NLGN1: variants seen among roughly 807,000 people sequenced by gnomAD.
NLGN1 encodes neuroligin 1, also known as neuroligin-1.
A neutral mutation model predicts 65.5 loss-of-function variants in NLGN1; 12 were observed. That is an observed-to-expected ratio of 0.18 (90% CI 0.12 to 0.30). NLGN1 has a LOEUF of 0.30. Among genes scored for constraint, NLGN1 ranks in the 10% least tolerant of loss-of-function variants. The pLI, the probability that NLGN1 is intolerant of heterozygous loss-of-function variation, is 1.00. For missense variants in NLGN1, 750 were observed against 1,007.1 expected (o/e 0.74, Z 3.46); for synonymous variants, 350 against 359.5 (o/e 0.97, Z 0.30).
At chr3:174,205,304 T>G (rs1048203939) in intron 4 of NLGN1, among the ~76,000 whole-genome samples, 10 of 152,090 alleles carry the variant, frequency 6.6e-5, no homozygotes, top group Non-Finnish European at 8.8e-5. Flanking sequence ...TAAAGTTAAA[T>G]ATTATAACAT....
At chr3:173,524,596 C>T (rs2149152729) in intron 2 of NLGN1, among the ~76,000 whole-genome samples, 1 of 152,242 alleles carries the variant, frequency 6.6e-6, no homozygotes, top group East Asian at 1.9e-4. Context: ...ACTCCTTGTA[C>T]TGTGTTGAAT....
At chr3:174,172,156 AGTCATAT>A (rs1283183889) in intron 4 of NLGN1, among the ~76,000 whole-genome samples, 3 of 151,978 alleles carry the variant, frequency 2.0e-5, no homozygotes, top group African/African-American at 7.2e-5. Flanking sequence ...ATATGATCAT[AGTCATAT>A]GTCATATGTC....
chr3:174,112,889 G>A (rs1034037911), intron 4 of NLGN1, among the ~76,000 whole-genome samples: 18 of 151,854 alleles, frequency 1.2e-4, no homozygotes, highest in African/African-American at 3.9e-4. Context: ...ATGAGTATGT[G>A]CTTGGCCTTT....
At chr3:173,610,699 G>A (rs1420355909) in intron 3 of NLGN1, among the ~76,000 whole-genome samples, 1 of 151,936 alleles carries the variant, frequency 6.6e-6, no homozygotes, top group Non-Finnish European at 1.5e-5. Flanking sequence ...TAAGGAAAAT[G>A]TCTCCAAGTG....
At chr3:173,412,511 T>C (rs1329268445) in intron 1 of NLGN1, among the ~76,000 whole-genome samples, 1 of 152,064 alleles carries the variant, frequency 6.6e-6, no homozygotes, top group Admixed American at 6.6e-5. Context: ...CTGACCTTTT[T>C]TTTTTAATGA....
chr3:173,628,208 A>C (rs7648490), intron 3 of NLGN1, among the ~76,000 whole-genome samples: 7,085 of 152,106 alleles, frequency 0.047, 366 homozygotes, highest in African/African-American at 0.11. Flanking sequence ...TGTTCTTCTT[A>C]CTGGAGACTG....
chr3:174,217,993 T>C (rs1408416306), intron 4 of NLGN1, among the ~76,000 whole-genome samples: 1 of 152,090 alleles, frequency 6.6e-6, no homozygotes, highest in African/African-American at 2.4e-5. Context: ...CAATTTAAAG[T>C]AAATTAAGTC....
At chr3:173,403,185 T>G (rs1718022315) in intron 1 of NLGN1, among the ~76,000 whole-genome samples, 1 of 152,166 alleles carries the variant, frequency 6.6e-6, no homozygotes, top group Admixed American at 6.5e-5. Context: ...TTTTTTAAAA[T>G]AGAAACTGAA....
chr3:174,102,322 A>G (rs973348914), intron 4 of NLGN1, among the ~76,000 whole-genome samples: 1 of 152,136 alleles, frequency 6.6e-6, no homozygotes, highest in African/African-American at 2.4e-5. Flanking sequence ...ATTATCTCTT[A>G]AAACTAAAGT....
At chr3:173,614,578 C>T (rs1454104215) in intron 3 of NLGN1, among the ~76,000 whole-genome samples, 1 of 152,108 alleles carries the variant, frequency 6.6e-6, no homozygotes, top group East Asian at 1.9e-4. Context: ...TTAAAGAGAA[C>T]TGATATGTTG....
intron 3 of NLGN1, among the ~76,000 whole-genome samples, chr3:173,774,219 T>C (rs1414799327): frequency 6.6e-6 from 1 of 152,224 alleles, no homozygotes; most frequent in African/African-American, 2.4e-5. Flanking sequence ...CTCTTAGTTA[T>C]CAGGCTACTG....
intron 3 of NLGN1, among the ~76,000 whole-genome samples, chr3:173,780,635 T>C (rs1013307365): frequency 1.3e-5 from 2 of 152,164 alleles, no homozygotes; most frequent in Admixed American, 1.3e-4. Context: ...CAGTAGAGTA[T>C]TATAACTAGA....
chr3:173,882,627 C>T (rs1041885798), intron 4 of NLGN1, among the ~76,000 whole-genome samples: 2 of 152,176 alleles, frequency 1.3e-5, no homozygotes, highest in South Asian at 2.1e-4. Context: ...TTTGCAGCTT[C>T]GTCTTCTCTC....
At chr3:173,947,636 T>C (rs1394617361) in intron 4 of NLGN1, among the ~76,000 whole-genome samples, 2 of 152,152 alleles carry the variant, frequency 1.3e-5, no homozygotes, top group Non-Finnish European at 2.9e-5. Flanking sequence ...ATCATCAACA[T>C]TAAATTCCTT....
intron 3 of NLGN1, among the ~76,000 whole-genome samples, chr3:173,721,889 G>C (rs1286289200): frequency 6.6e-6 from 1 of 151,364 alleles, no homozygotes; most frequent in Admixed American, 6.6e-5. Flanking sequence ...AGTATGCTTT[G>C]ATGCTGAGAA....
intron 2 of NLGN1, among the ~76,000 whole-genome samples, chr3:173,565,915 A>G (rs1743579493): frequency 1.3e-5 from 2 of 152,214 alleles, no homozygotes; most frequent in Non-Finnish European, 2.9e-5. Flanking sequence ...AAAGCTGTTT[A>G]GGTATATGAA....
At chr3:173,727,672 G>GTA (rs999616192) in intron 3 of NLGN1, among the ~76,000 whole-genome samples, 36 of 151,900 alleles carry the variant, frequency 2.4e-4, no homozygotes, top group South Asian at 4.2e-4. Flanking sequence ...CAGTCCACAA[G>GTA]TATATATATA....
intron 4 of NLGN1, among the ~76,000 whole-genome samples, chr3:174,120,306 C>T (rs1033728933): frequency 6.6e-6 from 1 of 151,370 alleles, no homozygotes; most frequent in Non-Finnish European, 1.5e-5. Context: ...GCCAACATGG[C>T]AAAGCCCCAT....
intron 4 of NLGN1, among the ~76,000 whole-genome samples, chr3:173,922,479 T>G (rs1742236945): frequency 6.6e-6 from 1 of 152,110 alleles, no homozygotes; most frequent in Non-Finnish European, 1.5e-5. Context: ...CACATTCTGT[T>G]TTTCCTAGGA....
Sources: gnomAD v4.1 joint callset for allele counts (sites outside exome capture counted in the v4.1 genomes callset) on GRCh38, gnomAD v4.1.1 for gene constraint, MANE v1.5 for transcripts, NCBI Gene and HGNC (gene_info 2026-07-23, HGNC 2026-07-21) for gene names.